Variants in TGIF2 observed in about 807,000 individuals in gnomAD.
TGIF2 encodes the protein TGFB induced factor homeobox 2.
TGIF2 carries 5 observed loss-of-function variants against 15.1 expected under a neutral mutation model. The ratio of observed to expected loss-of-function variants is 0.33; its 90% confidence interval spans 0.17 to 0.70. TGIF2 has a LOEUF of 0.70. Among genes scored for constraint, TGIF2 ranks in the 30% least tolerant of loss-of-function variants. TGIF2 has a pLI of 0.67. For synonymous variants in TGIF2, 131 were observed against 128.9 expected (o/e 1.02, Z -0.11); for missense variants, 264 against 302.5 (o/e 0.87, Z 0.94).
Position 36,593,146 on chromosome 20 carries a change from T to C in TGIF2, c.*1715T>C, listed in dbSNP as rs1417549772. 1 of 152,730 alleles carries C rather than the reference T, an allele frequency of 6.5e-6. No homozygotes were observed. Among genetic ancestry groups the C allele is most frequent in the African/African-American group, 2.4e-5 (1 of 41,564 alleles). The allele number at this position is 152,730 out of a possible 1,614,324, so 9.5% of individuals were successfully genotyped here. A position where few individuals can be genotyped will look rare whatever the true frequency, so the allele number is the denominator to read the frequency against. ...AGAAACACTAATCCTAGGTTATTGCTAGCCAAAATATTTTTGTCCTGAGTA... is the reference window on the plus strand; with the variant it reads ...AGAAACACTAATCCTAGGTTATTGCCAGCCAAAATATTTTTGTCCTGAGTA... On this transcript the variant is annotated 3_prime_UTR_variant, in exon 3 of 3. Coordinates refer to ENST00000373872, the MANE Select transcript of TGIF2 (RefSeq NM_021809.7).
chr20:36,576,437 A>G (rs1278823921), intron 1 of TGIF2, among the ~76,000 whole-genome samples: 1 of 152,088 alleles, frequency 6.6e-6, no homozygotes, highest in African/African-American at 2.4e-5. Flanking sequence ...TATTACTTGG[A>G]CTGCTGCAGG....
intron 1 of TGIF2, among the ~76,000 whole-genome samples, chr20:36,575,724 G>C (rs1223129972): frequency 6.6e-6 from 1 of 152,102 alleles, no homozygotes; most frequent in Non-Finnish European, 1.5e-5. Flanking sequence ...CGGCCTGCTG[G>C]GGAGCTGTTA....
At chr20:36,587,791 G>A (rs1457381200) in intron 2 of TGIF2, among the ~76,000 whole-genome samples, 2 of 152,142 alleles carry the variant, frequency 1.3e-5, no homozygotes, top group Non-Finnish European at 2.9e-5. Context: ...GAGGCCAGGC[G>A]TGGTGGCTCA....
chr20:36,575,168 G>C (rs1202361643), intron 1 of TGIF2, among the ~76,000 whole-genome samples: 1 of 151,994 alleles, frequency 6.6e-6, no homozygotes, highest in African/African-American at 2.4e-5. Flanking sequence ...TGTGCGTGCT[G>C]TATGCGTCGG....
chr20:36,587,592 C>T (rs1208576592), intron 2 of TGIF2, among the ~76,000 whole-genome samples: 1 of 152,174 alleles, frequency 6.6e-6, no homozygotes, highest in Non-Finnish European at 1.5e-5. Flanking sequence ...GACTCCCTCT[C>T]ACTCTTCAGC....
At chr20:36,582,024 T>C (rs1246042973) in intron 2 of TGIF2, among the ~76,000 whole-genome samples, 1 of 151,920 alleles carries the variant, frequency 6.6e-6, no homozygotes, top group African/African-American at 2.4e-5. Context: ...TCACCTGAGG[T>C]CAGGAGTTCA....
At chr20:36,578,053 AATG>A (rs550570139) in intron 1 of TGIF2, among the ~76,000 whole-genome samples, 85 of 152,260 alleles carry the variant, frequency 5.6e-4, no homozygotes, top group African/African-American at 1.7e-3. Context: ...TCATCTATAA[AATG>A]ATGATAATAA....
Position 36,586,540 on chromosome 20 carries a change from C to T in TGIF2, c.193-4370C>T, listed in dbSNP as rs73279453. Among the ~76,000 whole-genome samples the T allele has an allele frequency of 1.4e-3, 213 of 152,236 alleles. 2 individuals carry two copies. The highest frequency in any genetic ancestry group is 5.0e-3 in the African/African-American group (209 of 41,544). Reference sequence around the variant, plus strand: ...TGAAACCCTGTCTCTATTAAAAATACAAAAATTACTTGGGCATGTTGTCGT... The same window carrying T: ...TGAAACCCTGTCTCTATTAAAAATATAAAAATTACTTGGGCATGTTGTCGT... On this transcript the variant is annotated intron_variant, in intron 2 of 2. Transcript: ENST00000373872.
At chr20:36,574,589 C>G (rs1269300554) in intron 1 of TGIF2, 2 of 152,322 alleles carry the variant, frequency 1.3e-5, no homozygotes, top group Non-Finnish European at 2.9e-5. Context: ...CCCGAACTGC[C>G]GGAGTAGGGG....
rs1318574657 is a variant in TGIF2 at position 36,591,317 on chromosome 20, G to C, written c.600G>C (p.Leu200=). The C allele has an allele frequency of 6.2e-7, 1 of 1,614,220 alleles. No homozygotes were observed. Among genetic ancestry groups the C allele is most frequent in the South Asian group, 1.1e-5 (1 of 91,092 alleles). The change falls in exon 3 of 3, where the codon CTG becomes CTC. Residue 200 remains leucine, a synonymous_variant. Coordinates refer to ENST00000373872, the MANE Select transcript of TGIF2 (RefSeq NM_021809.7). This position sits in a 1 kb window ranked among gnomAD's most constrained non-coding sequence, Gnocchi z 5.3. ...AAGAGGACTTCAGCAGCTTCCAGCTGCTGGTGGAGGTGGCGCTACAGAGGG... is the reference window on the plus strand; with the variant it reads ...AAGAGGACTTCAGCAGCTTCCAGCTCCTGGTGGAGGTGGCGCTACAGAGGG... ...QDKEDFSSFQ[L]LVEVALQRAA...
rs2038489099 is a variant in TGIF2 at position 36,578,986 on chromosome 20, A to G, written c.192+20A>G. On this transcript the variant is annotated intron_variant, in intron 2 of 2. Coordinates refer to ENST00000373872, the MANE Select transcript of TGIF2 (RefSeq NM_021809.7). ...CTGCAAGTAAGGAGGGGATCTGGAT[A>G]AGGGGGTGGCAGGAGGACCTGGGTT... is the stretch of plus-strand genomic sequence containing the variant. 6.2e-7 allele frequency: 1 copy of G among 1,608,298 alleles called. No homozygotes were observed. The highest frequency in any genetic ancestry group is 1.1e-5 in the South Asian group (1 of 90,758).
intron 1 of TGIF2, among the ~76,000 whole-genome samples, chr20:36,578,344 CAG>C (rs1311715868): frequency 6.7e-6 from 1 of 148,428 alleles, no homozygotes; most frequent in Non-Finnish European, 1.5e-5. Context: ...ACCCAGGAGA[CAG>C]AAGTTGAAGT....
chr20:36,578,607 T>C (rs542709384), intron 1 of TGIF2, 134 bp from the exon 2 acceptor site: 2 of 1,013,882 alleles, frequency 2.0e-6, no homozygotes, highest in African/African-American at 1.6e-5. Flanking sequence ...CGGTCTGTGT[T>C]ACGGCCTGAG....
chr20:36,577,463 G>A (rs557853577), intron 1 of TGIF2, among the ~76,000 whole-genome samples: 7 of 151,476 alleles, frequency 4.6e-5, no homozygotes, highest in Non-Finnish European at 8.8e-5. Flanking sequence ...CACCCACCTC[G>A]GCCTCCCAAA....
At chr20:36,584,727 A>G (rs1325366541) in intron 2 of TGIF2, among the ~76,000 whole-genome samples, 1 of 151,914 alleles carries the variant, frequency 6.6e-6, no homozygotes, top group Non-Finnish European at 1.5e-5. Flanking sequence ...TTGTAGTTTT[A>G]GTAAAGACAG....
Position 36,585,924 on chromosome 20 carries a change from A to T in TGIF2, c.193-4986A>T, listed in dbSNP as rs1425180486. ...TTCCCATTACTTCCTGGCTGTCAGG[A>T]CTCCTTTCATATGCAGTTTCCTGAG... On this transcript the variant is annotated intron_variant, in intron 2 of 2. Transcript: ENST00000373872. Among the ~76,000 whole-genome samples, 3 of 151,926 alleles carry T rather than the reference A, an allele frequency of 2.0e-5. No individual in the cohort carries two copies. In the East Asian group the frequency reaches 5.8e-4, roughly 29 times the overall value.
At chr20:36,577,784 G>C (rs2038463072) in intron 1 of TGIF2, among the ~76,000 whole-genome samples, 1 of 152,080 alleles carries the variant, frequency 6.6e-6, no homozygotes, top group Non-Finnish European at 1.5e-5. Flanking sequence ...AAAGTGCTAG[G>C]ATTACAGGCA....
intron 1 of TGIF2, among the ~76,000 whole-genome samples, chr20:36,575,984 C>T (rs866224006): frequency 7.3e-5 from 11 of 151,350 alleles, no homozygotes; most frequent in Admixed American, 2.0e-4. Context: ...CCCAGCTGTT[C>T]GGGAGGCTGA....
At chr20:36,586,524 G>A (rs2038661160) in intron 2 of TGIF2, among the ~76,000 whole-genome samples, 1 of 152,172 alleles carries the variant, frequency 6.6e-6, no homozygotes, top group Non-Finnish European at 1.5e-5. Flanking sequence ...GTGAAACCCT[G>A]TCTCTATTAA....
Sources: allele counts gnomAD v4.1 joint callset (sites outside exome capture counted in the v4.1 genomes callset), GRCh38; gene constraint gnomAD v4.1.1; non-coding constraint Gnocchi (gnomAD v3.1); transcripts MANE v1.5; gene names NCBI Gene and HGNC (gene_info 2026-07-23, HGNC 2026-07-21).